MED12L: variants seen among roughly 807,000 people sequenced by gnomAD.
The protein encoded by MED12L is mediator of RNA polymerase II transcription subunit 12-like protein.
In MED12L, 60 loss-of-function variants were observed where a neutral mutation model predicts 281.3. That is an observed-to-expected ratio of 0.21 (90% CI 0.17 to 0.26). The LOEUF (loss-of-function observed/expected upper bound fraction) is 0.26, where lower values mean the gene tolerates loss of function less well. Ranked by LOEUF, MED12L falls within the 10% of genes least tolerant of loss-of-function variation. MED12L has a pLI of 1.00. For synonymous variants in MED12L, 974 were observed against 987.2 expected (o/e 0.99, Z 0.25); for missense variants, 2,146 against 2,680.9 (o/e 0.80, Z 4.41).
chr3:151,348,297 CCT>C (rs1019675874), intron 16 of MED12L, among the ~76,000 whole-genome samples: 5 of 150,350 alleles, frequency 3.3e-5, no homozygotes, highest in East Asian at 3.9e-4. Flanking sequence ...TTAGTGCCCC[CCT>C]GTTTCCTTCC....
rs1352900973 is a variant in MED12L at position 151,363,936 on chromosome 3, T to G, written c.2958-1043T>G. 3.9e-5 allele frequency among the ~76,000 whole-genome samples: 6 copies of G among 152,276 alleles called. No homozygotes were observed. In the South Asian group the frequency reaches 1.0e-3, roughly 26 times the overall value. ...GCAATAGTTTAGAATAGAGAGTCTT[T>G]GTGACTTTTCATCTTCGAGGGACTC... On this transcript the variant is annotated intron_variant, in intron 21 of 44. Transcript: ENST00000687756.
chr3:151,289,967 G>A (rs1340859008), intron 16 of MED12L, among the ~76,000 whole-genome samples: 3 of 151,352 alleles, frequency 2.0e-5, no homozygotes, highest in East Asian at 1.9e-4. Flanking sequence ...TGCAACCTCC[G>A]CCTCCCAGGT....
At chr3:151,238,127 A>G (rs60769061) in intron 16 of MED12L, among the ~76,000 whole-genome samples, 3,410 of 134,848 alleles carry the variant, frequency 0.025, 106 homozygotes, top group African/African-American at 0.087. Flanking sequence ...AGAACAGTGC[A>G]CATTTTTTCT....
At chr3:151,199,011 G>A (rs770822530) in intron 16 of MED12L, 3 of 1,614,126 alleles carry the variant, frequency 1.9e-6, no homozygotes, top group Non-Finnish European at 8.5e-7. Context: ...CCGGGTTCTT[G>A]TATTCGGTAG....
chr3:151,119,858 C>T (rs977264606), intron 3 of MED12L, among the ~76,000 whole-genome samples: 2 of 151,854 alleles, frequency 1.3e-5, no homozygotes, highest in African/African-American at 4.8e-5. Flanking sequence ...AATTTTTTCC[C>T]CACATTCTTA....
chr3:151,105,694 T>C (rs1485997925), intron 2 of MED12L, among the ~76,000 whole-genome samples: 1 of 152,184 alleles, frequency 6.6e-6, no homozygotes, highest in Non-Finnish European at 1.5e-5. Context: ...TGACCTTCTC[T>C]CTAGGTGATC....
intron 2 of MED12L, among the ~76,000 whole-genome samples, chr3:151,087,483 T>G (rs1719414116): frequency 6.6e-6 from 1 of 152,234 alleles, no homozygotes; most frequent in Non-Finnish European, 1.5e-5. Context: ...GCTTTTCAAA[T>G]TTTCCAGTTT....
chr3:151,170,841 T>C (rs1721334513), intron 11 of MED12L, among the ~76,000 whole-genome samples: 1 of 152,072 alleles, frequency 6.6e-6, no homozygotes. Context: ...GGGGATGCTA[T>C]GTATAAGGCA....
At chr3:151,341,426 CTT>C (rs1751807098) in intron 16 of MED12L, among the ~76,000 whole-genome samples, 1 of 151,798 alleles carries the variant, frequency 6.6e-6, no homozygotes, top group Non-Finnish European at 1.5e-5. Context: ...CTTTACCTAA[CTT>C]TGAGTTTTTG....
At chr3:151,193,403 T>G in intron 15 of MED12L, 87 bp from the exon 16 acceptor site, 1 of 976,158 alleles carries the variant, frequency 1.0e-6, no homozygotes, top group Non-Finnish European at 1.5e-6. Context: ...TATAAGTGTC[T>G]TATGTGTGTG....
chr3:151,285,444 C>T (rs1056400451), intron 16 of MED12L, among the ~76,000 whole-genome samples: 2 of 151,664 alleles, frequency 1.3e-5, no homozygotes, highest in East Asian at 1.9e-4. Flanking sequence ...GCAGAGATTG[C>T]GCCACTGCAC....
intron 2 of MED12L, among the ~76,000 whole-genome samples, chr3:151,107,373 C>G (rs1011236429): frequency 1.1e-4 from 16 of 152,128 alleles, no homozygotes; most frequent in African/African-American, 3.9e-4. Context: ...TTGTCTAACT[C>G]CCCAGACTAG....
chr3:151,336,429 A>C (rs1283871643), intron 16 of MED12L: 27 of 446,242 alleles, frequency 6.1e-5, no homozygotes, highest in Middle Eastern at 3.4e-4. Flanking sequence ...GAGGGTTTCA[A>C]TAAAAGTGAT....
intron 16 of MED12L, chr3:151,199,493 C>T: frequency 1.1e-6 from 1 of 952,236 alleles, no homozygotes. Flanking sequence ...CAACTATTTT[C>T]TTTAAAAGAC....
At chr3:151,401,429 A>G (rs908983114) in intron 39 of MED12L, among the ~76,000 whole-genome samples, 3 of 151,768 alleles carry the variant, frequency 2.0e-5, no homozygotes, top group African/African-American at 4.8e-5. Flanking sequence ...GTATATGAGC[A>G]TTTTTCTTTC....
chr3:151,286,253 C>CG (rs781040765), intron 16 of MED12L, among the ~76,000 whole-genome samples: 119 of 152,284 alleles, frequency 7.8e-4, no homozygotes, highest in Middle Eastern at 3.4e-3. Context: ...GTTTCTGTCT[C>CG]TAAAGGTCTC....
chr3:151,135,965 T>TG (rs1716080412), intron 5 of MED12L, among the ~76,000 whole-genome samples: 1 of 152,212 alleles, frequency 6.6e-6, no homozygotes, highest in African/African-American at 2.4e-5. Context: ...AGGTCTTTTT[T>TG]GGGGGAACAG....
In MED12L at chr3:151,411,519, G is replaced by C. The variant is rs1186673211; in HGVS notation, c.6140+12G>C. 3 of 1,609,916 alleles carry C rather than the reference G, an allele frequency of 1.9e-6. No homozygotes were observed. Among genetic ancestry groups the C allele is most frequent in the Non-Finnish European group, 2.6e-6 (3 of 1,176,206 alleles). ...ACTGGCTCTCAGAGGTGATACATGT[G>C]GAAATGATGATGGCAATAATGAACA... On this transcript the variant is annotated intron_variant, in intron 41 of 44. Coordinates refer to ENST00000687756, the MANE Select transcript of MED12L (RefSeq NM_001393769.1).
chr3:151,210,243 GTTATGGCTGGCCCC>G (rs2149202406), intron 16 of MED12L, among the ~76,000 whole-genome samples: 1 of 152,330 alleles, frequency 6.6e-6, no homozygotes, highest in South Asian at 2.1e-4. Context: ...CCTAGAGTCA[GTTATGGCTGGCCCC>G]TTATGTGGGG....
Sources: gnomAD v4.1 joint callset for allele counts (sites outside exome capture counted in the v4.1 genomes callset) on GRCh38, gnomAD v4.1.1 for gene constraint, MANE v1.5 for transcripts, NCBI Gene and HGNC (gene_info 2026-07-23, HGNC 2026-07-21) for gene names.